The following COA7 variants were observed in gnomAD, a reference collection of about 807,000 sequenced individuals.
COA7 encodes Sel1 repeat containing 1.
In COA7, 12 loss-of-function variants were observed where a neutral mutation model predicts 21.0. That is an observed-to-expected ratio of 0.57 (90% CI 0.37 to 0.92). The LOEUF (loss-of-function observed/expected upper bound fraction) is 0.92. Among genes scored for constraint, COA7 ranks in the 40% least tolerant of loss-of-function variants. The pLI, the probability that COA7 is intolerant of heterozygous loss-of-function variation, is 0.01. For synonymous variants in COA7, 95 were observed against 107.4 expected (o/e 0.88, Z 0.72); for missense variants, 240 against 286.1 (o/e 0.84, Z 1.16).
At chr1:52,693,290 G>A (rs1342579247) in intron 1 of COA7, among the ~76,000 whole-genome samples, 1 of 152,070 alleles carries the variant, frequency 6.6e-6, no homozygotes, top group Non-Finnish European at 1.5e-5. Context: ...CAAGAAAAGG[G>A]TGCTGGGCCA....
rs1270467763 is a variant in COA7, at chr1:52,692,743, G to A, written c.231C>T (p.Tyr77=). The A allele has an allele frequency of 3.1e-6, 5 of 1,614,178 alleles. No homozygotes were observed. Among genetic ancestry groups the A allele is most frequent in the Non-Finnish European group, 4.2e-6 (5 of 1,180,036 alleles). Residue 77 remains tyrosine (Y), a synonymous_variant, in exon 2 of 3, where the codon TAC becomes TAT. Transcript: ENST00000371538. ...CCTCCTTACCTTTTCCAGTCACATA[G>A]TAGGCCCCCAGTTTGTAGCAGCTAT... ...HSDSCYKLGA[Y]YVTGKGGLTQ...
chr1:52,698,163 G>C, intron 1 of COA7, 58 bp downstream of exon 1: 5 of 1,259,816 alleles, frequency 4.0e-6, no homozygotes, highest in Non-Finnish European at 5.8e-6. Flanking sequence ...TCGCAGACCA[G>C]ACCTCTCCGG....
Position 52,687,575 on chromosome 1 carries a change from A to C in COA7, c.*145T>G. The C allele has an allele frequency of 1.5e-6, 1 of 667,926 alleles. No homozygotes were observed. The highest frequency in any genetic ancestry group is 2.6e-6 in the Non-Finnish European group (1 of 382,746). 41.4% of individuals were successfully genotyped at this position (667,926 alleles called of 1,614,324 possible). Reference sequence around the variant, plus strand: ...TAGGCTATACTCCAGTAGCTGGGGCAATGGATCCATGTAAATGGAGCTACA... The same window carrying C: ...TAGGCTATACTCCAGTAGCTGGGGCCATGGATCCATGTAAATGGAGCTACA... On this transcript the variant is annotated 3_prime_UTR_variant, in exon 3 of 3. Coordinates refer to ENST00000371538, the MANE Select transcript of COA7 (RefSeq NM_023077.3).
chr1:52,689,886 G>C (rs377407652), intron 2 of COA7, among the ~76,000 whole-genome samples: 10 of 152,176 alleles, frequency 6.6e-5, no homozygotes, highest in African/African-American at 2.4e-4. Context: ...AATGAGCTGG[G>C]CATGGTGGCA....
At chr1:52,688,412 A>G (rs1461947893) in intron 2 of COA7, among the ~76,000 whole-genome samples, 1 of 152,042 alleles carries the variant, frequency 6.6e-6, no homozygotes, top group Non-Finnish European at 1.5e-5. Context: ...ATGCCTGGCT[A>G]ATTTTTAAAT....
In COA7 at chr1:52,687,517, C is replaced by T. The variant is rs1024165193; in HGVS notation, c.*203G>A. The T allele has an allele frequency of 3.3e-6, 2 of 602,960 alleles. No individual in the cohort carries two copies. The highest frequency in any genetic ancestry group is 3.0e-5 in the Admixed American group (1 of 33,782). 37.4% of individuals were successfully genotyped at this position (602,960 alleles called of 1,614,324 possible). The stretch of plus-strand genomic sequence containing the variant: ...TGTAATAAACATTGTACAGAACACC[C>T]AGATAAAGGAATATTGACTGAAATA... On this transcript the variant is annotated 3_prime_UTR_variant, in exon 3 of 3. Coordinates refer to ENST00000371538, the MANE Select transcript of COA7 (RefSeq NM_023077.3).
At chr1:52,688,459 G>A (rs187616626) in intron 2 of COA7, among the ~76,000 whole-genome samples, 258 of 152,160 alleles carry the variant, frequency 1.7e-3, no homozygotes, top group South Asian at 2.9e-3. Context: ...TGTTGCCAAG[G>A]CTAGTCTTAA....
chr1:52,698,069 G>A (rs1351409649), intron 1 of COA7, 152 bp downstream of exon 1: 2 of 634,366 alleles, frequency 3.2e-6, no homozygotes, highest in East Asian at 2.8e-5. Context: ...GGGACACATC[G>A]CCCTTCCCAA....
intron 1 of COA7, among the ~76,000 whole-genome samples, chr1:52,695,454 T>C (rs1033080384): frequency 6.6e-6 from 1 of 151,770 alleles, no homozygotes; most frequent in African/African-American, 2.4e-5. Context: ...GACAGAGTAA[T>C]ACCCTGTCTC....
At chr1:52,690,832 A>G (rs115725652) in intron 2 of COA7, among the ~76,000 whole-genome samples, 2,085 of 152,224 alleles carry the variant, frequency 0.014, 45 homozygotes, top group African/African-American at 0.048. Context: ...AAATGGGGCC[A>G]GGCACGGTGG....
chr1:52,690,372 T>C (rs1392091407), intron 2 of COA7, among the ~76,000 whole-genome samples: 1 of 151,950 alleles, frequency 6.6e-6, no homozygotes, highest in Non-Finnish European at 1.5e-5. Flanking sequence ...GTGAACACCA[T>C]TCCAGTCATC....
rs1184054044 is a variant in COA7 at position 52,684,461 on chromosome 1, T to C, written c.*3259A>G. On this transcript the variant is annotated 3_prime_UTR_variant, in exon 3 of 3. Coordinates refer to ENST00000371538, the MANE Select transcript of COA7 (RefSeq NM_023077.3). ...TGAGGCAATATCATTGTGGTTTTAA[T>C]AGACTTTATATTTTAGAGCAATTTT... The C allele has an allele frequency of 6.6e-6, 1 of 152,224 alleles. No individual in the cohort carries two copies. The highest frequency in any genetic ancestry group is 1.5e-5 in the Non-Finnish European group (1 of 68,054). The allele number at this position is 152,224 out of a possible 1,614,324, so 9.4% of individuals were successfully genotyped here. A position where few individuals can be genotyped will look rare whatever the true frequency, so the allele number is the denominator to read the frequency against.
rs746197654 is a variant in COA7 at position 52,687,745 on chromosome 1, C to T, written c.671G>A (p.Gly224Asp). 2 of 1,614,246 alleles carry T rather than the reference C, an allele frequency of 1.2e-6. No homozygotes were observed. Among genetic ancestry groups the T allele is most frequent in the South Asian group, 1.1e-5 (1 of 91,086 alleles). ...TTACCCAAATGTTAAGGGTTGGACA[C>T]CTTTCTGCTGTTCTTTGTGTAGCTG... ...AQQLHKEQQKGVQPLTFG is the reference protein window; with the variant it reads ...AQQLHKEQQKDVQPLTFG The change falls in exon 3 of 3, where the codon GGT (glycine) becomes GAT (aspartate). Residue 224 changes from glycine to aspartate, a missense_variant. Physicochemically the swap from Gly to Asp is moderately conservative, Grantham distance 94. This residue lies in a region of COA7 where 163 missense variants were observed against 214.1 expected (regional missense o/e 0.76). Transcript: ENST00000371538.
rs1488455397 is a variant in COA7 at position 52,698,318 on chromosome 1, G to A, written c.9C>T (p.Gly3=). Residue 3 remains glycine (G), a synonymous_variant, in exon 1 of 3, where the codon GGC becomes GGT. Coordinates refer to ENST00000371538, the MANE Select transcript of COA7 (RefSeq NM_023077.3). MA[G]MVDFQDEEQV... ...GCTCCTCATCCTGGAAGTCCACCAT[G>A]CCGGCCATGGTTCGCGCCGGCCCAA... 15 of 1,610,482 alleles carry A rather than the reference G, an allele frequency of 9.3e-6. No homozygotes were observed. Among genetic ancestry groups the A allele is most frequent in the Non-Finnish European group, 1.3e-5 (15 of 1,179,272 alleles).
intron 1 of COA7, among the ~76,000 whole-genome samples, chr1:52,696,749 A>C (rs1195043967): frequency 3.5e-5 from 5 of 142,716 alleles, no homozygotes; most frequent in East Asian, 2.1e-4. Context: ...CTCCCACCTC[A>C]CCTCAGCCTC....
chr1:52,698,338 G>C lies in COA7; in HGVS notation c.-12C>G. On this transcript the variant is annotated 5_prime_UTR_variant, in exon 1 of 3. Transcript: ENST00000371538. The stretch of plus-strand genomic sequence containing the variant: ...ACCATGCCGGCCATGGTTCGCGCCG[G>C]CCCAAAGACGGTCACGTGAGCCGGC... The C allele has an allele frequency of 6.2e-7, 1 of 1,600,882 alleles. No individual in the cohort carries two copies.
At chr1:52,695,606 AAC>A (rs1644078832) in intron 1 of COA7, among the ~76,000 whole-genome samples, 1 of 152,202 alleles carries the variant, frequency 6.6e-6, no homozygotes, top group Non-Finnish European at 1.5e-5. Flanking sequence ...GGGCATTGAT[AAC>A]AAATAGGTTA....
chr1:52,691,486 T>G (rs1343600615), intron 2 of COA7, among the ~76,000 whole-genome samples: 5 of 150,960 alleles, frequency 3.3e-5, no homozygotes, highest in East Asian at 3.9e-4. Flanking sequence ...TTTTTTTTTT[T>G]TGTGAGACAG....
chr1:52,697,925 G>C lies in COA7; in HGVS notation c.106+296C>G, dbSNP rs111499774. The C allele has an allele frequency of 9.0e-4, 327 of 362,048 alleles. 1 individual carries two copies. Among genetic ancestry groups the C allele is most frequent in the African/African-American group, 6.4e-3 (300 of 46,994 alleles). The allele number at this position is 362,048 out of a possible 1,614,324, so 22.4% of individuals were successfully genotyped here. A position where few individuals can be genotyped will look rare whatever the true frequency, so the allele number is the denominator to read the frequency against. ...ATGAATTACCTGAGGCTTATTGCCC[G>C]ACTCCCCGCACTAGCTTGGAAGCTC... On this transcript the variant is annotated intron_variant, in intron 1 of 2. Transcript: ENST00000371538.
Sources: allele counts gnomAD v4.1 joint callset (sites outside exome capture counted in the v4.1 genomes callset), GRCh38; gene constraint gnomAD v4.1.1; regional missense constraint gnomAD v4.1.1; transcripts MANE v1.5; gene names NCBI Gene and HGNC (gene_info 2026-07-23, HGNC 2026-07-21).